Variants in B3GNT5 observed in about 807,000 individuals in gnomAD.
B3GNT5 encodes the protein UDP-GlcNAc:betaGal beta-1,3-N-acetylglucosaminyltransferase 5.
A neutral mutation model predicts 25.9 loss-of-function variants in B3GNT5; 11 were observed. The ratio of observed to expected loss-of-function variants is 0.42; its 90% confidence interval spans 0.27 to 0.70. The LOEUF (loss-of-function observed/expected upper bound fraction) is 0.70. Among genes scored for constraint, B3GNT5 ranks in the 30% least tolerant of loss-of-function variants. B3GNT5 has a pLI of 0.23. For synonymous variants in B3GNT5, 166 were observed against 158.6 expected (o/e 1.05, Z -0.35); for missense variants, 385 against 458.4 (o/e 0.84, Z 1.46).
chr3:183,262,511 A>G (rs1725705346), intron 1 of B3GNT5, among the ~76,000 whole-genome samples: 1 of 151,832 alleles, frequency 6.6e-6, no homozygotes, highest in African/African-American at 2.4e-5. Context: ...AGTTTTTGGT[A>G]CCCCCTTAAA....
rs35323502 is a variant in B3GNT5 at position 183,257,958 on chromosome 3, C to CTTTT, written c.-302+4510_-302+4513dup. Among the ~76,000 whole-genome samples the CTTTT allele has an allele frequency of 8.2e-3, 529 of 64,708 alleles. 132 individuals carry two copies. Among genetic ancestry groups the CTTTT allele is most frequent in the African/African-American group, 0.034 (484 of 14,370 alleles). The allele number at this position is 64,708 out of a possible 152,430, so 42.5% of individuals were successfully genotyped here. ...TATTCCTTGCTCCCTCCACTTCACC[C>CTTTT]TTTTTTTTTTTTTTTTTTTTTTTTT... On this transcript the variant is annotated intron_variant, in intron 1 of 1. Transcript: ENST00000326505.
In B3GNT5 at chr3:183,272,309, A is replaced by C; in HGVS notation, c.*1374A>C. ...GTCTACTGCTAGGGAGATTATATGA[A>C]GGCCAAAATAATGACTTCAGCAAGA... is the stretch of plus-strand genomic sequence containing the variant. On this transcript the variant is annotated 3_prime_UTR_variant, in exon 2 of 2. Coordinates refer to ENST00000326505, the MANE Select transcript of B3GNT5 (RefSeq NM_032047.5). 1.0e-6 allele frequency: 1 copy of C among 1,000,306 alleles called. No homozygotes were observed. The highest frequency in any genetic ancestry group is 1.2e-6 in the Non-Finnish European group (1 of 830,010). 62.0% of individuals were successfully genotyped at this position (1,000,306 alleles called of 1,614,324 possible). A position where few individuals can be genotyped will look rare whatever the true frequency, so the allele number is the denominator to read the frequency against.
At chr3:183,269,282 G>A (rs2108443005) in intron 1 of B3GNT5, among the ~76,000 whole-genome samples, 1 of 132,178 alleles carries the variant, frequency 7.6e-6, no homozygotes, top group East Asian at 2.6e-4. Context: ...TCTGTACTCT[G>A]AATGGGAAGA....
At position 183,267,698 on chromosome 3, in the gene B3GNT5, T is replaced by A. The variant is rs1422872733; in HGVS notation, c.-301-1800T>A. 6.6e-6 allele frequency among the ~76,000 whole-genome samples: 1 copy of A among 152,138 alleles called. No individual in the cohort carries two copies. The highest frequency in any genetic ancestry group is 6.5e-5 in the Admixed American group (1 of 15,292). The stretch of plus-strand genomic sequence containing the variant: ...GCCTACCTTTCCATCCAAGGAAGTG[T>A]TTTACCTGTGGTAAGCACGGGGGAC... On this transcript the variant is annotated intron_variant, in intron 1 of 1. Transcript: ENST00000326505. The surrounding 1 kb of genome is among the most constrained non-coding windows in gnomAD (Gnocchi z 5.5).
intron 1 of B3GNT5, among the ~76,000 whole-genome samples, chr3:183,268,509 T>TGGGGG (rs58535820): frequency 6.7e-5 from 10 of 148,386 alleles, no homozygotes; most frequent in African/African-American, 2.5e-4. Context: ...GTGGAGAAAA[T>TGGGGG]GGGGGGGGCG....
chr3:183,264,530 G>T (rs897531194), intron 1 of B3GNT5, among the ~76,000 whole-genome samples: 1 of 152,196 alleles, frequency 6.6e-6, no homozygotes, highest in African/African-American at 2.4e-5. Flanking sequence ...CTCCCACTGT[G>T]TCTGGTATAA....
chr3:183,260,399 C>T (rs1271050415), intron 1 of B3GNT5, among the ~76,000 whole-genome samples: 2 of 151,998 alleles, frequency 1.3e-5, no homozygotes, highest in African/African-American at 2.4e-5. Flanking sequence ...AGCAAGCAAC[C>T]GTGTCAGCCC....
rs1166992524 is a variant in B3GNT5 at position 183,272,018 on chromosome 3, A to G, written c.*1083A>G. ...ATTGAGAGCATTAAACATCAAAGTTATAATATCTAAAACAATTTATTTTTC... is the reference window on the plus strand; with the variant it reads ...ATTGAGAGCATTAAACATCAAAGTTGTAATATCTAAAACAATTTATTTTTC... On this transcript the variant is annotated 3_prime_UTR_variant, in exon 2 of 2. Coordinates refer to ENST00000326505, the MANE Select transcript of B3GNT5 (RefSeq NM_032047.5). The G allele has an allele frequency of 2.3e-6, 1 of 439,346 alleles. No individual in the cohort carries two copies. The highest frequency in any genetic ancestry group is 1.6e-4 in the East Asian group (1 of 6,362). The allele number at this position is 439,346 out of a possible 1,614,324, so 27.2% of individuals were successfully genotyped here.
In B3GNT5 at chr3:183,270,986, A is replaced by G. The variant is rs779649554; in HGVS notation, c.*51A>G. On this transcript the variant is annotated 3_prime_UTR_variant, in exon 2 of 2. Coordinates refer to ENST00000326505, the MANE Select transcript of B3GNT5 (RefSeq NM_032047.5). The surrounding 1 kb of genome is among the most constrained non-coding windows in gnomAD (Gnocchi z 4.5). ...ACTGTCACTGAGTCAAACCTGGATG[A>G]AAAAAACCTTTAAATGTTCGTCTAT... is the stretch of plus-strand genomic sequence containing the variant. 4 of 1,478,670 alleles carry G rather than the reference A, an allele frequency of 2.7e-6. No homozygotes were observed. Among genetic ancestry groups the G allele is most frequent in the Non-Finnish European group, 3.6e-6 (4 of 1,103,506 alleles). 91.6% of individuals were successfully genotyped at this position (1,478,670 alleles called of 1,614,324 possible). A position where few individuals can be genotyped will look rare whatever the true frequency, so the allele number is the denominator to read the frequency against.
chr3:183,264,049 AT>A (rs1725866689), intron 1 of B3GNT5, among the ~76,000 whole-genome samples: 2 of 152,064 alleles, frequency 1.3e-5, no homozygotes, highest in African/African-American at 2.4e-5. Context: ...AGCCAGTTTA[AT>A]CCCTCTTGCT....
chr3:183,263,395 T>A (rs1163828064), intron 1 of B3GNT5, among the ~76,000 whole-genome samples: 1 of 152,270 alleles, frequency 6.6e-6, no homozygotes, highest in East Asian at 1.9e-4. Context: ...AGCACAACCC[T>A]AACTATATGG....
intron 1 of B3GNT5, among the ~76,000 whole-genome samples, chr3:183,264,546 C>A (rs148286483): frequency 1.3e-5 from 2 of 152,270 alleles, no homozygotes; most frequent in African/African-American, 2.4e-5. Context: ...TATAAGAACC[C>A]GCAGAGTAAA....
At chr3:183,268,647 T>C (rs1364076377) in intron 1 of B3GNT5, among the ~76,000 whole-genome samples, 2 of 152,206 alleles carry the variant, frequency 1.3e-5, no homozygotes, top group Admixed American at 1.3e-4. Context: ...CCTAGTGTGC[T>C]AGGTAATCAT....
rs1005928665 is a variant in B3GNT5 at position 183,271,614 on chromosome 3, A to G, written c.*679A>G. ...GTGATTAATGTTGCCCTAATACTTT[A>G]TATGTTTTTAATGGATTTTTTTTTA... On this transcript the variant is annotated 3_prime_UTR_variant, in exon 2 of 2. Coordinates refer to ENST00000326505, the MANE Select transcript of B3GNT5 (RefSeq NM_032047.5). 4.2e-5 allele frequency: 7 copies of G among 167,006 alleles called. No homozygotes were observed. The allele number at this position is 167,006 out of a possible 1,614,324, so 10.3% of individuals were successfully genotyped here.
At chr3:183,254,903 A>C (rs1724897139) in intron 1 of B3GNT5, 1 of 152,240 alleles carries the variant, frequency 6.6e-6, no homozygotes, top group Non-Finnish European at 1.5e-5. Flanking sequence ...GATGTGACAG[A>C]GGCAATTGCT....
In B3GNT5 at chr3:183,270,595, C is replaced by T; in HGVS notation, c.797C>T (p.Ala266Val). The change falls in exon 2 of 2, where the codon GCC becomes GTC. Residue 266 changes from alanine to valine, a missense_variant. By Grantham distance (64) the Ala-to-Val change is moderately conservative. Transcript: ENST00000326505. This position sits in a 1 kb window ranked among gnomAD's most constrained non-coding sequence, Gnocchi z 4.5. ...TATGTAATCTCCGGTGATGTAGCTG[C>T]CAAAGTCTATGAGGCATCACAGACA... Reference protein sequence around the residue: ...AAYVISGDVAAKVYEASQTLN... With the variant: ...AAYVISGDVAVKVYEASQTLN... 3 of 1,614,158 alleles carry T rather than the reference C, an allele frequency of 1.9e-6. No homozygotes were observed. Among genetic ancestry groups the T allele is most frequent in the Non-Finnish European group, 2.5e-6 (3 of 1,180,044 alleles).
chr3:183,256,476 T>G (rs1312769714), intron 1 of B3GNT5, among the ~76,000 whole-genome samples: 1 of 152,226 alleles, frequency 6.6e-6, no homozygotes, highest in Non-Finnish European at 1.5e-5. Context: ...TAGAAACATT[T>G]TAATTCTACA....
rs1726952338 is a variant in B3GNT5 at position 183,273,379 on chromosome 3, A to C, written c.*2444A>C. ...TCTATAGTTTCCAATAAACAACTGA[A>C]AAATTATCATGAGATGTGTATTTAA... On this transcript the variant is annotated 3_prime_UTR_variant, in exon 2 of 2. Coordinates refer to ENST00000326505, the MANE Select transcript of B3GNT5 (RefSeq NM_032047.5). The C allele has an allele frequency of 5.0e-6, 1 of 198,226 alleles. No homozygotes were observed. The highest frequency in any genetic ancestry group is 1.1e-5 in the Non-Finnish European group (1 of 91,730). 12.3% of individuals were successfully genotyped at this position (198,226 alleles called of 1,614,324 possible).
intron 1 of B3GNT5, chr3:183,253,839 T>C (rs1451792537): frequency 2.0e-5 from 3 of 152,230 alleles, no homozygotes; most frequent in Non-Finnish European, 2.9e-5. Flanking sequence ...GTCAGTTACG[T>C]GGTGAAAACA....
Sources: allele counts gnomAD v4.1 joint callset (sites outside exome capture counted in the v4.1 genomes callset), GRCh38; gene constraint gnomAD v4.1.1; non-coding constraint Gnocchi (gnomAD v3.1); transcripts MANE v1.5; gene names NCBI Gene and HGNC (gene_info 2026-07-23, HGNC 2026-07-21).